The following CACNA1E variants were observed in gnomAD, a reference collection of about 807,000 sequenced individuals.
CACNA1E encodes calcium voltage-gated channel subunit alpha1 E, also known as voltage-dependent R-type calcium channel subunit alpha-1E.
A neutral mutation model predicts 259.2 loss-of-function variants in CACNA1E; 40 were observed. That is an observed-to-expected ratio of 0.15 (90% CI 0.12 to 0.20). The LOEUF is 0.20. Ranked by LOEUF, CACNA1E falls within the 10% of genes least tolerant of loss-of-function variation. The probability of loss-of-function intolerance (pLI) is 1.00; values close to 1 mark genes in which losing one functional copy is unlikely to be tolerated. For missense variants in CACNA1E, 1,874 were observed against 3,040.1 expected, an observed-to-expected ratio of 0.62 and a Z score of 9.02; for synonymous variants, 1,104 against 1,138.5, an observed-to-expected ratio of 0.97 and a Z score of 0.61.
chr1:181,621,046 T>G (rs1395281342), intron 6 of CACNA1E, among the ~76,000 whole-genome samples: 1 of 152,256 alleles, frequency 6.6e-6, no homozygotes, highest in Non-Finnish European at 1.5e-5. Context: ...TTTATTTGGC[T>G]GATGCTAGTC....
intron 1 of CACNA1E, among the ~76,000 whole-genome samples, chr1:181,388,336 CAT>C (rs1167200430): frequency 6.6e-6 from 1 of 152,220 alleles, no homozygotes; most frequent in African/African-American, 2.4e-5. Context: ...GAAATACAGT[CAT>C]GTGTCAGTTA....
chr1:181,390,329 A>G lies in CACNA1E; in HGVS notation c.-14-22804A>G, dbSNP rs661206. ...TATTTATTTATTTATTTATTTATTT[A>G]TTTGTTTTTTATGAGAAGTTAGGAA... On this transcript the variant is annotated intron_variant, in intron 1 of 11. Transcript: ENST00000524607. Among the ~76,000 whole-genome samples the G allele has an allele frequency of 9.3e-3, 1,404 of 151,432 alleles. 26 individuals are homozygous for G. Among genetic ancestry groups the G allele is most frequent in the Admixed American group, 0.041 (620 of 15,236 alleles).
chr1:181,510,335 C>T, intron 1 of CACNA1E, 142 bp from the exon 2 acceptor site: 4 of 646,030 alleles, frequency 6.2e-6, no homozygotes, highest in South Asian at 3.5e-5. Context: ...CACTGTCTTG[C>T]CTGCCTGCCT....
intron 7 of CACNA1E, among the ~76,000 whole-genome samples, chr1:181,670,469 G>A (rs907478976): frequency 5.3e-5 from 8 of 152,104 alleles, no homozygotes; most frequent in African/African-American, 1.9e-4. Flanking sequence ...ACTCTTTCCT[G>A]TTGAAGAAGC....
At chr1:181,662,901 T>C (rs1386440819) in intron 7 of CACNA1E, among the ~76,000 whole-genome samples, 1 of 152,210 alleles carries the variant, frequency 6.6e-6, no homozygotes, top group Non-Finnish European at 1.5e-5. Flanking sequence ...TTGAAGTTCC[T>C]TGGAGTACCT....
At chr1:181,678,270 A>C (rs1255188356) in intron 7 of CACNA1E, among the ~76,000 whole-genome samples, 1 of 152,170 alleles carries the variant, frequency 6.6e-6, no homozygotes, top group African/African-American at 2.4e-5. Context: ...TGTTTATTCT[A>C]CCCAGACCAT....
At chr1:181,584,828 G>A (rs1383256984) in intron 6 of CACNA1E, among the ~76,000 whole-genome samples, 1 of 152,184 alleles carries the variant, frequency 6.6e-6, no homozygotes, top group African/African-American at 2.4e-5. Flanking sequence ...TGACAAATAG[G>A]TGGCAGGAGT....
intron 2 of CACNA1E, among the ~76,000 whole-genome samples, chr1:181,472,067 T>C (rs760204639): frequency 2.6e-5 from 4 of 152,150 alleles, no homozygotes; most frequent in Non-Finnish European, 5.9e-5. Flanking sequence ...ACACAATGGA[T>C]TTTTATTCTG....
intron 12 of CACNA1E, among the ~76,000 whole-genome samples, chr1:181,719,025 C>A (rs1276288966): frequency 6.6e-6 from 1 of 152,202 alleles, no homozygotes; most frequent in Non-Finnish European, 1.5e-5. Context: ...TGCTAATCTA[C>A]ATTTTAACTT....
intron 2 of CACNA1E, among the ~76,000 whole-genome samples, chr1:181,461,783 T>G (rs1157197727): frequency 5.9e-5 from 9 of 151,952 alleles, no homozygotes; most frequent in Non-Finnish European, 1.2e-4. Flanking sequence ...TTTTTTTTTT[T>G]GGGAAATTAC....
intron 1 of CACNA1E, among the ~76,000 whole-genome samples, chr1:181,323,867 T>C (rs1000945170): frequency 6.6e-6 from 1 of 152,198 alleles, no homozygotes; most frequent in African/African-American, 2.4e-5. Flanking sequence ...AATGAGCTAT[T>C]CGGTGCTGAA....
intron 1 of CACNA1E, among the ~76,000 whole-genome samples, chr1:181,343,114 C>A (rs1192396504): frequency 6.6e-6 from 1 of 151,828 alleles, no homozygotes; most frequent in Non-Finnish European, 1.5e-5. Context: ...AGTTAGGATG[C>A]CTCCTGGAAC....
rs1406342212 is a variant in CACNA1E, at chr1:181,796,664, A to G, written c.6209-4A>G. On this transcript the variant is annotated splice_region_variant and splice_polypyrimidine_tract_variant and intron_variant, in intron 46 of 47. Transcript: ENST00000367573. The stretch of plus-strand genomic sequence containing the variant: ...TAACCAAGTGCTTTTGTCACCTCTC[A>G]CAGGCCACAAGTCTGACACTCACCG... 1.9e-6 allele frequency: 3 copies of G among 1,571,812 alleles called. No individual in the cohort carries two copies. The highest frequency in any genetic ancestry group is 1.2e-5 in the South Asian group (1 of 86,096).
chr1:181,696,681 A>G (rs1651742902), intron 7 of CACNA1E, among the ~76,000 whole-genome samples: 1 of 152,208 alleles, frequency 6.6e-6, no homozygotes, highest in Non-Finnish European at 1.5e-5. Context: ...GTACATTTTC[A>G]TGACTGCAGA....
rs761210303 is a variant in CACNA1E at position 181,554,246 on chromosome 1, C to CA, written c.513-23518dup. On this transcript the variant is annotated intron_variant, in intron 3 of 47. Coordinates refer to ENST00000367573, the MANE Select transcript of CACNA1E (RefSeq NM_001205293.3). ...CAGGCTGGTCTCGAACTCCTGAGCT[C>CA]AAGTGATCCTCTCACCTCCGCTTCC... is the stretch of plus-strand genomic sequence containing the variant. 9.2e-5 allele frequency among the ~76,000 whole-genome samples: 14 copies of CA among 152,296 alleles called. No homozygotes were observed. The East Asian group carries it at 2.3e-3, about 25-fold the overall frequency.
At position 181,772,237 on chromosome 1, in the gene CACNA1E, CA is replaced by C; in HGVS notation, c.5139+8del. ...TCTTCTTCTGCTCCTTCTTGGTGAG[CA>C]ACATTGTGCTTTTGCCTTGCTATGT... On this transcript the variant is annotated splice_region_variant and intron_variant, in intron 37 of 47. Coordinates refer to ENST00000367573, the MANE Select transcript of CACNA1E (RefSeq NM_001205293.3). 1.9e-6 allele frequency: 3 copies of C among 1,610,990 alleles called. No homozygotes were observed. The highest frequency in any genetic ancestry group is 2.5e-6 in the Non-Finnish European group (3 of 1,178,068).
chr1:181,390,784 G>C (rs1208420673), intron 1 of CACNA1E, among the ~76,000 whole-genome samples: 4 of 152,156 alleles, frequency 2.6e-5, no homozygotes, highest in South Asian at 2.1e-4. Flanking sequence ...ATAACACATG[G>C]CATTCAAGCA....
chr1:181,494,316 G>GTT (rs80037910), intron 1 of CACNA1E, among the ~76,000 whole-genome samples: 1,737 of 136,454 alleles, frequency 0.013, 32 homozygotes, highest in African/African-American at 0.037. Flanking sequence ...TTAAAGTGGT[G>GTT]TTTTTTTTTT....
chr1:181,649,576 C>A (rs1558226644), intron 6 of CACNA1E, among the ~76,000 whole-genome samples: 1 of 152,196 alleles, frequency 6.6e-6, no homozygotes, highest in Non-Finnish European at 1.5e-5. Flanking sequence ...CAGCACTATT[C>A]ATGATAGCAA....
Sources: gnomAD v4.1 joint callset for allele counts (sites outside exome capture counted in the v4.1 genomes callset) on GRCh38, gnomAD v4.1.1 for gene constraint, MANE v1.5 for transcripts, NCBI Gene and HGNC (gene_info 2026-07-23, HGNC 2026-07-21) for gene names.